The following FRMD5 variants were observed in gnomAD, a reference collection of about 807,000 sequenced individuals.
FRMD5 encodes the protein FERM domain containing 5.
FRMD5 carries 20 observed loss-of-function variants against 69.0 expected under a neutral mutation model. The observed-to-expected ratio is 0.29, with a 90% CI of 0.20 to 0.42. FRMD5 has a LOEUF of 0.42. FRMD5 is among the 10% of genes least tolerant of loss of function. FRMD5 has a pLI of 1.00. For missense variants in FRMD5, 595 were observed against 708.6 expected (o/e 0.84, Z 1.82); for synonymous variants, 271 against 260.1 (o/e 1.04, Z -0.40).
rs1204292959 is a variant in FRMD5, at chr15:43,919,677, T to C, written c.250+90A>G. 3.4e-6 allele frequency: 5 copies of C among 1,451,202 alleles called. No individual in the cohort carries two copies. The African/African-American group carries it at 4.2e-5, about 12-fold the overall frequency. 89.9% of individuals were successfully genotyped at this position (1,451,202 alleles called of 1,614,324 possible). ...TTATACTCAGAACAGTGGGAAATTA[T>C]ATATGTAGATCAAAACTTGAGATAA... On this transcript the variant is annotated intron_variant, in intron 3 of 13. Transcript: ENST00000417257.
At chr15:43,889,913 C>T (rs553601871) in intron 8 of FRMD5, among the ~76,000 whole-genome samples, 5 of 152,254 alleles carry the variant, frequency 3.3e-5, no homozygotes, top group African/African-American at 1.2e-4. Flanking sequence ...AAGGAGATTT[C>T]CTTCATCTCC....
chr15:44,015,614 G>C (rs995970022), intron 1 of FRMD5, among the ~76,000 whole-genome samples: 2 of 152,096 alleles, frequency 1.3e-5, no homozygotes, highest in African/African-American at 4.8e-5. Context: ...AGAAAAGTCT[G>C]TGTCCAAACA....
intron 1 of FRMD5, among the ~76,000 whole-genome samples, chr15:43,990,754 G>A (rs1242885512): frequency 1.3e-5 from 2 of 152,162 alleles, no homozygotes; most frequent in East Asian, 3.8e-4. Context: ...TAACAGGTAA[G>A]AGACTAAAAA....
intron 5 of FRMD5, among the ~76,000 whole-genome samples, chr15:43,907,611 G>A (rs142923270): frequency 6.0e-5 from 9 of 150,396 alleles, no homozygotes; most frequent in Non-Finnish European, 1.0e-4. Context: ...TGCAGACTCC[G>A]CCTCCCAGGT....
At chr15:43,914,437 C>A (rs1389904099) in intron 4 of FRMD5, among the ~76,000 whole-genome samples, 1 of 152,112 alleles carries the variant, frequency 6.6e-6, no homozygotes, top group African/African-American at 2.4e-5. Context: ...TTTTAATATT[C>A]TTCTACAGAG....
rs141444160 is a variant in FRMD5 at position 44,097,406 on chromosome 15, A to C, written c.102+97547T>G. On this transcript the variant is annotated intron_variant, in intron 1 of 13. Transcript: ENST00000417257. Reference sequence around the variant, plus strand: ...ACAAGCAGTCTGGGCCTTAGGGCTTATCTGGGTCAGACCTGAACCCTTAGA... The same window carrying C: ...ACAAGCAGTCTGGGCCTTAGGGCTTCTCTGGGTCAGACCTGAACCCTTAGA... 1.4e-4 allele frequency among the ~76,000 whole-genome samples: 21 copies of C among 152,344 alleles called. No individual in the cohort carries two copies. The East Asian group carries it at 4.0e-3, about 29-fold the overall frequency.
chr15:44,009,221 T>C (rs1157309131), intron 1 of FRMD5, among the ~76,000 whole-genome samples: 1 of 152,226 alleles, frequency 6.6e-6, no homozygotes, highest in African/African-American at 2.4e-5. Flanking sequence ...TTTGCCCAGC[T>C]TTCTAAGGGT....
intron 2 of FRMD5, among the ~76,000 whole-genome samples, chr15:43,922,273 C>T (rs941914699): frequency 6.6e-6 from 1 of 152,198 alleles, no homozygotes; most frequent in Non-Finnish European, 1.5e-5. Flanking sequence ...TTGTCTGAGA[C>T]TTTATTTACT....
rs948066758 is a variant in FRMD5 at position 43,873,767 on chromosome 15, G to A, written c.*118C>T. 1 of 1,533,636 alleles carries A rather than the reference G, an allele frequency of 6.5e-7. No homozygotes were observed. Among genetic ancestry groups the A allele is most frequent in the East Asian group, 2.4e-5 (1 of 40,874 alleles). On this transcript the variant is annotated 3_prime_UTR_variant, in exon 14 of 14. Transcript: ENST00000417257. The stretch of plus-strand genomic sequence containing the variant: ...CCTCCTAGGCTGCAGTGGACTTTGA[G>A]TCATGAGAGGAGGACTTGGTATATG...
chr15:44,032,302 C>T (rs181649888), intron 1 of FRMD5, among the ~76,000 whole-genome samples: 1 of 152,256 alleles, frequency 6.6e-6, no homozygotes, highest in East Asian at 1.9e-4. Context: ...GCAAAGATTT[C>T]ATGACAAAGA....
At chr15:44,158,754 C>T (rs961959449) in intron 1 of FRMD5, among the ~76,000 whole-genome samples, 3 of 152,146 alleles carry the variant, frequency 2.0e-5, no homozygotes, top group African/African-American at 7.2e-5. Context: ...AGCATGTGAT[C>T]AAGAGCTAAT....
chr15:43,873,899 G>C lies in FRMD5; in HGVS notation c.1699C>G (p.Leu567Val), dbSNP rs1328603923. The change falls in exon 14 of 14, where the codon CTC becomes GTC. Residue 567 changes from leucine to valine, a missense_variant. Transcript: ENST00000417257. ...ACKIRSVVSLLIDT is the reference protein window; with the variant it reads ...ACKIRSVVSLVIDT ...GTCATGCCTTCTCAGGTGTCAATGA[G>C]CAGGCTCACCACTGAGCGGATTTTG... 1.2e-6 allele frequency: 2 copies of C among 1,613,804 alleles called. No individual in the cohort carries two copies. Among genetic ancestry groups the C allele is most frequent in the East Asian group, 2.2e-5 (1 of 44,866 alleles).
Position 44,023,517 on chromosome 15 carries a change from T to G in FRMD5, c.103-99208A>C, listed in dbSNP as rs1342206164. ...CTTTCTTTGTGGGAAAGAGCCTGTT[T>G]TAGTACAAAACCTTTTCATTTATTT... On this transcript the variant is annotated intron_variant, in intron 1 of 13. Coordinates refer to ENST00000417257, the MANE Select transcript of FRMD5 (RefSeq NM_032892.5). 3.9e-5 allele frequency among the ~76,000 whole-genome samples: 6 copies of G among 152,268 alleles called. 1 individual carries two copies. In the East Asian group the frequency reaches 1.2e-3, roughly 29 times the overall value.
intron 1 of FRMD5, among the ~76,000 whole-genome samples, chr15:44,009,587 G>T (rs377387412): frequency 6.6e-6 from 1 of 152,162 alleles, no homozygotes; most frequent in African/African-American, 2.4e-5. Flanking sequence ...GCTGAGGTGG[G>T]AGAATTGCTT....
chr15:43,901,621 A>G (rs763769883), intron 7 of FRMD5, among the ~76,000 whole-genome samples: 58 of 152,214 alleles, frequency 3.8e-4, no homozygotes, highest in Non-Finnish European at 7.5e-4. Flanking sequence ...CTCGGCAGTG[A>G]CTGGCTGCCC....
At chr15:43,999,925 A>G (rs1448197045) in intron 1 of FRMD5, among the ~76,000 whole-genome samples, 1,940 of 58,434 alleles carry the variant, frequency 0.033, 76 homozygotes, top group African/African-American at 0.11. Flanking sequence ...GTGTGTATGT[A>G]TATATATATA....
chr15:43,953,483 T>C (rs1046180485), intron 1 of FRMD5, among the ~76,000 whole-genome samples: 10 of 152,222 alleles, frequency 6.6e-5, no homozygotes, highest in African/African-American at 1.9e-4. Context: ...CTTGGTCAGA[T>C]AGCAACAGGA....
At chr15:43,954,249 C>T (rs1211307104) in intron 1 of FRMD5, among the ~76,000 whole-genome samples, 1 of 152,180 alleles carries the variant, frequency 6.6e-6, no homozygotes, top group African/African-American at 2.4e-5. Context: ...TTCTTCTGGG[C>T]CAGAGATGCT....
intron 1 of FRMD5, among the ~76,000 whole-genome samples, chr15:43,941,145 T>C (rs1016565796): frequency 3.3e-5 from 5 of 152,170 alleles, no homozygotes; most frequent in African/African-American, 1.2e-4. Context: ...AAGAAGCGGA[T>C]TGCTTGAGCC....
Sources: allele counts gnomAD v4.1 joint callset (sites outside exome capture counted in the v4.1 genomes callset), GRCh38; gene constraint gnomAD v4.1.1; transcripts MANE v1.5; gene names NCBI Gene and HGNC (gene_info 2026-07-23, HGNC 2026-07-21).